Variants in SLC9A9 observed in about 807,000 individuals in gnomAD.
SLC9A9 encodes sodium/hydrogen exchanger 9.
Under a neutral mutation model 77.8 loss-of-function variants are expected in SLC9A9, and 62 were observed. The ratio of observed to expected loss-of-function variants is 0.80; its 90% confidence interval spans 0.65 to 0.98. The LOEUF (loss-of-function observed/expected upper bound fraction) is 0.98. Among genes scored for constraint, SLC9A9 ranks in the 50% least tolerant of loss-of-function variants. The pLI, the probability that SLC9A9 is intolerant of heterozygous loss-of-function variation, is 0.00. For synonymous variants in SLC9A9, 320 were observed against 283.5 expected (o/e 1.13, Z -1.29); for missense variants, 775 against 774.9 (o/e 1.00, Z 0.00).
chr3:143,490,919 C>T (rs988424117), intron 11 of SLC9A9, among the ~76,000 whole-genome samples: 2 of 152,030 alleles, frequency 1.3e-5, no homozygotes, highest in Non-Finnish European at 2.9e-5. Context: ...TAAAAGAGTA[C>T]TATCAATATT....
intron 4 of SLC9A9, among the ~76,000 whole-genome samples, chr3:143,717,446 T>C (rs1198092183): frequency 2.0e-5 from 3 of 152,236 alleles, no homozygotes; most frequent in Non-Finnish European, 4.4e-5. Context: ...TTAGAATTCG[T>C]GGCTGACAAT....
intron 6 of SLC9A9, among the ~76,000 whole-genome samples, chr3:143,637,369 A>T (rs2108733871): frequency 6.6e-6 from 1 of 152,368 alleles, no homozygotes; most frequent in East Asian, 1.9e-4. Flanking sequence ...TAGATTAGAC[A>T]AAGCAGAAAA....
chr3:143,490,013 C>T (rs758262419), intron 11 of SLC9A9, among the ~76,000 whole-genome samples: 16 of 152,016 alleles, frequency 1.1e-4, no homozygotes, highest in Non-Finnish European at 1.9e-4. Context: ...GAAAAAGAAA[C>T]AGAAAATAAT....
chr3:143,602,949 G>T (rs2037867027), intron 6 of SLC9A9, among the ~76,000 whole-genome samples: 1 of 152,220 alleles, frequency 6.6e-6, no homozygotes, highest in African/African-American at 2.4e-5. Context: ...TTAAAGCCAA[G>T]ATTTCCTCTT....
chr3:143,267,472 C>T (rs762444877), intron 15 of SLC9A9, among the ~76,000 whole-genome samples: 3 of 151,320 alleles, frequency 2.0e-5, no homozygotes, highest in Admixed American at 2.0e-4. Context: ...GCTTCAGCCT[C>T]GCGAGTAGCT....
chr3:143,591,581 C>T (rs1033531820), intron 6 of SLC9A9, among the ~76,000 whole-genome samples: 2 of 147,684 alleles, frequency 1.4e-5, no homozygotes, highest in African/African-American at 5.4e-5. Context: ...CAAGCCAATA[C>T]AGCTTGTAAG....
At chr3:143,838,129 T>G (rs1306082924) in intron 1 of SLC9A9, among the ~76,000 whole-genome samples, 4 of 152,192 alleles carry the variant, frequency 2.6e-5, no homozygotes, top group Non-Finnish European at 5.9e-5. Flanking sequence ...GAAAAGCCAT[T>G]GGTTTTCCTG....
intron 12 of SLC9A9, among the ~76,000 whole-genome samples, chr3:143,423,050 C>A (rs190256157): frequency 8.6e-5 from 13 of 151,968 alleles, no homozygotes; most frequent in African/African-American, 3.1e-4. Flanking sequence ...AGAACACAGG[C>A]TATTAGGTTT....
At chr3:143,419,494 C>T (rs1341425798) in intron 12 of SLC9A9, among the ~76,000 whole-genome samples, 1 of 152,130 alleles carries the variant, frequency 6.6e-6, no homozygotes, top group Admixed American at 6.6e-5. Flanking sequence ...TAATAGGCCC[C>T]ATCTACCTCT....
At chr3:143,273,967 T>C (rs1035170359) in intron 14 of SLC9A9, among the ~76,000 whole-genome samples, 6 of 152,212 alleles carry the variant, frequency 3.9e-5, no homozygotes, top group African/African-American at 1.2e-4. Context: ...AGGTATAAGG[T>C]AAGCCATAAT....
intron 14 of SLC9A9, among the ~76,000 whole-genome samples, chr3:143,307,403 T>TG (rs1175050247): frequency 1.3e-5 from 2 of 152,252 alleles, no homozygotes; most frequent in African/African-American, 4.8e-5. Context: ...GAAATTGACA[T>TG]GGCCATACTG....
intron 12 of SLC9A9, among the ~76,000 whole-genome samples, chr3:143,406,789 A>G (rs893394169): frequency 6.6e-6 from 1 of 152,024 alleles, no homozygotes; most frequent in African/African-American, 2.4e-5. Flanking sequence ...CAGCCTGGCC[A>G]ACATGGCAAA....
At chr3:143,509,867 C>T (rs2036086886) in intron 9 of SLC9A9, among the ~76,000 whole-genome samples, 2 of 152,142 alleles carry the variant, frequency 1.3e-5, no homozygotes, top group Admixed American at 1.3e-4. Context: ...GATTAATCCC[C>T]TATTTGTTCT....
At chr3:143,322,659 G>A (rs1385737740) in intron 14 of SLC9A9, among the ~76,000 whole-genome samples, 1 of 152,144 alleles carries the variant, frequency 6.6e-6, no homozygotes, top group Non-Finnish European at 1.5e-5. Flanking sequence ...CTTCCTCAGT[G>A]GTTCTTGGCA....
rs1196209093 is a variant in SLC9A9 at position 143,586,934 on chromosome 3, G to T, written c.756-8211C>A. Reference sequence around the variant, plus strand: ...AGAGCCAAAGACCCTGCAGAGTCAAGAGCTGTGTTTGAGGGGAAACATCAA... The same window carrying T: ...AGAGCCAAAGACCCTGCAGAGTCAATAGCTGTGTTTGAGGGGAAACATCAA... On this transcript the variant is annotated intron_variant, in intron 6 of 15. Transcript: ENST00000316549. 2.6e-5 allele frequency among the ~76,000 whole-genome samples: 4 copies of T among 152,210 alleles called. No individual in the cohort carries two copies. In the East Asian group the frequency reaches 7.7e-4, roughly 29 times the overall value.
chr3:143,839,592 A>G (rs1222567986), intron 1 of SLC9A9, among the ~76,000 whole-genome samples: 1 of 152,106 alleles, frequency 6.6e-6, no homozygotes, highest in Non-Finnish European at 1.5e-5. Flanking sequence ...ATACATAGAC[A>G]CAACACACAT....
chr3:143,330,148 C>T (rs1338693600), intron 14 of SLC9A9, among the ~76,000 whole-genome samples: 1 of 152,130 alleles, frequency 6.6e-6, no homozygotes, highest in Non-Finnish European at 1.5e-5. Context: ...CCAGAGCAAT[C>T]GGCAGGAGCA....
chr3:143,390,549 C>T (rs114651321), intron 12 of SLC9A9, among the ~76,000 whole-genome samples: 1,790 of 152,314 alleles, frequency 0.012, 19 homozygotes, highest in South Asian at 0.035. Flanking sequence ...GTGATTTCTG[C>T]GTTTCCAACT....
chr3:143,511,221 G>A (rs2036110961), intron 9 of SLC9A9, among the ~76,000 whole-genome samples: 1 of 152,212 alleles, frequency 6.6e-6, no homozygotes, highest in Non-Finnish European at 1.5e-5. Context: ...GAAGGAAGAA[G>A]TTAAAATCTT....
Sources: gnomAD v4.1 joint callset for allele counts (sites outside exome capture counted in the v4.1 genomes callset) on GRCh38, gnomAD v4.1.1 for gene constraint, MANE v1.5 for transcripts, NCBI Gene and HGNC (gene_info 2026-07-23, HGNC 2026-07-21) for gene names.